Variants in SNX29 observed in about 807,000 individuals in gnomAD.
SNX29 encodes the protein sorting nexin-29.
In SNX29, 78 loss-of-function variants were observed where a neutral mutation model predicts 102.1. That is an observed-to-expected ratio of 0.76 (90% CI 0.64 to 0.92). SNX29 has a LOEUF of 0.92. Ranked by LOEUF, SNX29 falls within the 40% of genes least tolerant of loss-of-function variation. The probability of loss-of-function intolerance (pLI) is 0.00; values close to 1 mark genes in which losing one functional copy is unlikely to be tolerated. For missense variants in SNX29, 1,280 were observed against 1,061.7 expected, an observed-to-expected ratio of 1.21 and a Z score of -2.86; for synonymous variants, 580 against 414.5, an observed-to-expected ratio of 1.40 and a Z score of -4.85.
chr16:12,275,473 T>C (rs2079215496), intron 14 of SNX29, among the ~76,000 whole-genome samples: 1 of 152,244 alleles, frequency 6.6e-6, no homozygotes, highest in Non-Finnish European at 1.5e-5. Flanking sequence ...AAAACCTTTC[T>C]TTTGCTTTCT....
intron 13 of SNX29, among the ~76,000 whole-genome samples, chr16:12,182,947 A>G (rs1239137079): frequency 1.3e-5 from 2 of 151,656 alleles, no homozygotes; most frequent in Non-Finnish European, 2.9e-5. Flanking sequence ...AAAAAAAAAA[A>G]AAAAAAAAAA....
intron 1 of SNX29, among the ~76,000 whole-genome samples, chr16:11,984,143 A>C (rs1056926870): frequency 6.6e-6 from 1 of 152,130 alleles, no homozygotes; most frequent in African/African-American, 2.4e-5. Flanking sequence ...GCTTGAGCCC[A>C]GGAGTTTGAG....
intron 13 of SNX29, among the ~76,000 whole-genome samples, chr16:12,185,502 T>G (rs2076488739): frequency 6.6e-6 from 1 of 152,212 alleles, no homozygotes; most frequent in African/African-American, 2.4e-5. Flanking sequence ...TGTGTTTCAG[T>G]CAGCCAGGCC....
chr16:12,282,887 C>T (rs889350842), intron 15 of SNX29, among the ~76,000 whole-genome samples: 3 of 152,160 alleles, frequency 2.0e-5, no homozygotes, highest in Non-Finnish European at 4.4e-5. Flanking sequence ...GAACACCTAA[C>T]CTTAGGTGAT....
intron 15 of SNX29, among the ~76,000 whole-genome samples, chr16:12,293,172 C>T (rs1157125373): frequency 6.6e-6 from 1 of 152,186 alleles, no homozygotes; most frequent in African/African-American, 2.4e-5. Flanking sequence ...GAACTCCTGG[C>T]CTCAAGTGAT....
At chr16:12,040,466 T>C (rs868133245) in intron 4 of SNX29, among the ~76,000 whole-genome samples, 49 of 152,376 alleles carry the variant, frequency 3.2e-4, no homozygotes, top group Middle Eastern at 3.4e-3. Flanking sequence ...TACAAGTAGT[T>C]GTAGGAATGA....
intron 19 of SNX29, among the ~76,000 whole-genome samples, chr16:12,518,027 A>G (rs951442351): frequency 5.9e-5 from 9 of 152,172 alleles, no homozygotes; most frequent in African/African-American, 1.9e-4. Flanking sequence ...GGTGACGTGA[A>G]GAGAGGTTAG....
chr16:12,430,424 G>C (rs1002436350), intron 18 of SNX29, among the ~76,000 whole-genome samples: 2 of 152,194 alleles, frequency 1.3e-5, no homozygotes, highest in Admixed American at 1.3e-4. Context: ...ACAGACCTGA[G>C]GGGCAGTGAC....
chr16:12,292,945 T>A (rs969629004), intron 15 of SNX29, among the ~76,000 whole-genome samples: 3 of 152,202 alleles, frequency 2.0e-5, no homozygotes, highest in Admixed American at 2.0e-4. Flanking sequence ...AACTTTCTTA[T>A]GTAGAATAAA....
intron 18 of SNX29, among the ~76,000 whole-genome samples, chr16:12,459,849 C>T (rs186785768): frequency 2.6e-5 from 4 of 152,262 alleles, no homozygotes; most frequent in Admixed American, 2.0e-4. Context: ...ACCCCATTTC[C>T]CCAAAGCCAT....
chr16:12,553,846 G>C (rs973071118), intron 20 of SNX29, among the ~76,000 whole-genome samples: 3 of 151,880 alleles, frequency 2.0e-5, no homozygotes, highest in Non-Finnish European at 4.4e-5. Flanking sequence ...TAGGTCTACC[G>C]AAAGTGCTGG....
chr16:12,466,038 A>G (rs901674922), intron 18 of SNX29, among the ~76,000 whole-genome samples: 6 of 152,232 alleles, frequency 3.9e-5, no homozygotes, highest in African/African-American at 1.4e-4. Flanking sequence ...AGCTAACATC[A>G]TACTCAACAG....
At chr16:12,207,584 T>TA (rs2077077845) in intron 14 of SNX29, among the ~76,000 whole-genome samples, 1 of 152,122 alleles carries the variant, frequency 6.6e-6, no homozygotes, top group Non-Finnish European at 1.5e-5. Context: ...GCTTTGCTGT[T>TA]ACGTTTGTCT....
At chr16:12,540,684 T>G (rs913324697) in intron 20 of SNX29, among the ~76,000 whole-genome samples, 1 of 152,118 alleles carries the variant, frequency 6.6e-6, no homozygotes, top group Non-Finnish European at 1.5e-5. Context: ...TGGTCCCTCT[T>G]GTTGTAGAAG....
chr16:12,040,485 T>C (rs997358960), intron 4 of SNX29, among the ~76,000 whole-genome samples: 2 of 152,258 alleles, frequency 1.3e-5, no homozygotes, highest in Non-Finnish European at 2.9e-5. Flanking sequence ...GACTGTCTTA[T>C]GGATAAAAAC....
chr16:12,243,654 G>A (rs551972872), intron 14 of SNX29, among the ~76,000 whole-genome samples: 1 of 152,084 alleles, frequency 6.6e-6, no homozygotes, highest in Non-Finnish European at 1.5e-5. Context: ...CATGTAATTG[G>A]GTTGAATAGT....
chr16:12,463,910 G>C (rs1184815514), intron 18 of SNX29, among the ~76,000 whole-genome samples: 1 of 149,500 alleles, frequency 6.7e-6, no homozygotes, highest in Non-Finnish European at 1.5e-5. Context: ...CAGTACCATG[G>C]TATTGTTAGC....
intron 14 of SNX29, among the ~76,000 whole-genome samples, 165 bp downstream of exon 14, chr16:12,199,848 G>A (rs1203751941): frequency 6.6e-6 from 1 of 152,250 alleles, no homozygotes; most frequent in Non-Finnish European, 1.5e-5. Context: ...AAAACCTGAT[G>A]CGTATCCCTG....
chr16:12,177,988 CTGGCTAG>C (rs1279900958), intron 13 of SNX29, among the ~76,000 whole-genome samples: 1 of 152,236 alleles, frequency 6.6e-6, no homozygotes, highest in Non-Finnish European at 1.5e-5. Flanking sequence ...AGATGGTTAG[CTGGCTAG>C]TGATAACCCG....
Sources: gnomAD v4.1 joint callset for allele counts (sites outside exome capture counted in the v4.1 genomes callset) on GRCh38, gnomAD v4.1.1 for gene constraint, MANE v1.5 for transcripts, NCBI Gene and HGNC (gene_info 2026-07-23, HGNC 2026-07-21) for gene names.